PRKAR2B: variants seen among roughly 807,000 people sequenced by gnomAD.
PRKAR2B encodes the protein protein kinase cAMP-dependent type II regulatory subunit beta.
PRKAR2B carries 14 observed loss-of-function variants against 49.9 expected under a neutral mutation model. The ratio of observed to expected loss-of-function variants is 0.28; its 90% CI spans 0.19 to 0.44. The LOEUF (loss-of-function observed/expected upper bound fraction) is 0.44, where lower values mean the gene tolerates loss of function less well. PRKAR2B is among the 20% of genes least tolerant of loss of function. The pLI, the probability that PRKAR2B is intolerant of heterozygous loss-of-function variation, is 1.00. For missense variants in PRKAR2B, 393 were observed against 537.9 expected (o/e 0.73, Z 2.67); for synonymous variants, 196 against 197.7 (o/e 0.99, Z 0.07).
intron 2 of PRKAR2B, among the ~76,000 whole-genome samples, chr7:107,098,880 T>G (rs1372105320): frequency 6.6e-6 from 1 of 152,158 alleles, no homozygotes; most frequent in Admixed American, 6.5e-5. Flanking sequence ...CTCTGGAAGC[T>G]TTGTCTCATA....
intron 2 of PRKAR2B, among the ~76,000 whole-genome samples, chr7:107,102,571 T>G (rs1378050855): frequency 6.6e-6 from 1 of 152,206 alleles, no homozygotes; most frequent in Non-Finnish European, 1.5e-5. Flanking sequence ...CTCCCAGAGT[T>G]TCTTGAGCAA....
chr7:107,095,437 G>C (rs1321451164), intron 2 of PRKAR2B, among the ~76,000 whole-genome samples: 2 of 152,186 alleles, frequency 1.3e-5, no homozygotes, highest in Non-Finnish European at 2.9e-5. Context: ...ATAAAATCAT[G>C]TCATCTGCAA....
intron 1 of PRKAR2B, 63 bp downstream of exon 1, chr7:107,045,277 C>T: frequency 1.5e-6 from 2 of 1,346,020 alleles, no homozygotes; most frequent in East Asian, 2.7e-5. Context: ...CCGCTCCCCG[C>T]TGTGCTCTCG....
intron 1 of PRKAR2B, among the ~76,000 whole-genome samples, chr7:107,053,888 A>G (rs951988755): frequency 3.3e-5 from 5 of 152,172 alleles, no homozygotes; most frequent in African/African-American, 1.2e-4. Flanking sequence ...AAGAAATGCA[A>G]TTTCATAGAG....
At chr7:107,077,898 C>T (rs985783598) in intron 2 of PRKAR2B, 3 of 152,144 alleles carry the variant, frequency 2.0e-5, no homozygotes, top group Admixed American at 1.3e-4. Context: ...CAGTAGATAA[C>T]CCATGAAGAA....
chr7:107,124,946 T>A (rs1795458246), intron 3 of PRKAR2B, among the ~76,000 whole-genome samples: 1 of 152,194 alleles, frequency 6.6e-6, no homozygotes, highest in African/African-American at 2.4e-5. Flanking sequence ...AGTTCTGCTA[T>A]AGTAGCTTGA....
At chr7:107,071,314 T>G (rs1794272143) in intron 2 of PRKAR2B, among the ~76,000 whole-genome samples, 1 of 152,220 alleles carries the variant, frequency 6.6e-6, no homozygotes, top group Admixed American at 6.5e-5. Context: ...TTGAATTTTA[T>G]TTTTGATTTG....
At chr7:107,117,624 C>G (rs1000318389) in intron 2 of PRKAR2B, among the ~76,000 whole-genome samples, 5 of 152,162 alleles carry the variant, frequency 3.3e-5, no homozygotes, top group Admixed American at 6.5e-5. Flanking sequence ...GTCATGTATA[C>G]TTGTCTAGTG....
At chr7:107,149,644 A>G (rs1584454459) in intron 6 of PRKAR2B, among the ~76,000 whole-genome samples, 1 of 152,098 alleles carries the variant, frequency 6.6e-6, no homozygotes, top group South Asian at 2.1e-4. Flanking sequence ...TAGGATTTCA[A>G]CAGAGGGATT....
At chr7:107,153,131 C>A in intron 7 of PRKAR2B, 46 bp from the exon 8 acceptor site, 1 of 1,456,290 alleles carries the variant, frequency 6.9e-7, no homozygotes. Flanking sequence ...GATAAGCTTA[C>A]CCAGTTAATT....
intron 6 of PRKAR2B, among the ~76,000 whole-genome samples, chr7:107,149,618 T>C (rs1343947575): frequency 6.6e-6 from 1 of 152,226 alleles, no homozygotes; most frequent in South Asian, 2.1e-4. Context: ...CACCACCTAA[T>C]ACTATCCTGG....
intron 2 of PRKAR2B, among the ~76,000 whole-genome samples, chr7:107,107,662 A>G (rs981494652): frequency 6.6e-6 from 1 of 151,540 alleles, no homozygotes; most frequent in Non-Finnish European, 1.5e-5. Context: ...ATATGACAAA[A>G]GAGGTGTTTT....
intron 5 of PRKAR2B, among the ~76,000 whole-genome samples, chr7:107,142,364 T>G (rs930861638): frequency 6.6e-6 from 1 of 152,210 alleles, no homozygotes; most frequent in East Asian, 1.9e-4. Context: ...CAGTTATCTA[T>G]ATGTGAATCA....
intron 8 of PRKAR2B, among the ~76,000 whole-genome samples, chr7:107,155,207 C>A (rs1337513043): frequency 1.3e-5 from 2 of 152,106 alleles, no homozygotes; most frequent in African/African-American, 4.8e-5. Context: ...ATTCTTACCC[C>A]AGTGTTGCCA....
intron 1 of PRKAR2B, among the ~76,000 whole-genome samples, chr7:107,056,227 T>C (rs1218879413): frequency 6.6e-6 from 1 of 152,194 alleles, no homozygotes; most frequent in Non-Finnish European, 1.5e-5. Flanking sequence ...AGCCTTGTAG[T>C]ATAGTTTGAA....
chr7:107,081,909 T>C (rs1175170623), intron 2 of PRKAR2B: 1 of 152,220 alleles, frequency 6.6e-6, no homozygotes, highest in East Asian at 1.9e-4. Flanking sequence ...TCCTTAGATA[T>C]TTTAAAACAG....
chr7:107,116,895 A>ATGTG lies in PRKAR2B; in HGVS notation c.344-5047_344-5044dup, dbSNP rs767262850. Among the ~76,000 whole-genome samples, 539 of 146,800 alleles carry ATGTG rather than the reference A, an allele frequency of 3.7e-3. 4 individuals are homozygous for ATGTG. Among genetic ancestry groups the ATGTG allele is most frequent in the African/African-American group, 0.013 (512 of 38,506 alleles). Reference sequence around the variant, plus strand: ...TATATATATACACACATATATATATATGTGTGTGTGTGTATATATATGTGT... The same window carrying ATGTG: ...TATATATATACACACATATATATATATGTGTGTGTGTGTGTGTATATATATGTGT... On this transcript the variant is annotated intron_variant, in intron 2 of 10. Coordinates refer to ENST00000265717, the MANE Select transcript of PRKAR2B (RefSeq NM_002736.3).
At chr7:107,144,821 C>T (rs1483898371) in intron 5 of PRKAR2B, among the ~76,000 whole-genome samples, 7 of 138,720 alleles carry the variant, frequency 5.0e-5, no homozygotes, top group Admixed American at 7.3e-5. Flanking sequence ...TTTAGCAGCA[C>T]GTCCCCACTC....
At chr7:107,122,689 C>T (rs929874460) in intron 3 of PRKAR2B, among the ~76,000 whole-genome samples, 2 of 151,926 alleles carry the variant, frequency 1.3e-5, no homozygotes, top group African/African-American at 4.8e-5. Flanking sequence ...ACAGTATAAA[C>T]AAAAACTTAT....
Sources: gnomAD v4.1 joint callset for allele counts (sites outside exome capture counted in the v4.1 genomes callset) on GRCh38, gnomAD v4.1.1 for gene constraint, MANE v1.5 for transcripts, NCBI Gene and HGNC (gene_info 2026-07-23, HGNC 2026-07-21) for gene names.